Variants in ANKRD36 observed in about 807,000 individuals in gnomAD.
ANKRD36 encodes ankyrin repeat domain 36.
Under a neutral mutation model 278.1 loss-of-function variants are expected in ANKRD36, and 179 were observed. The ratio of observed to expected loss-of-function variants is 0.64; its 90% CI spans 0.57 to 0.73. The LOEUF (loss-of-function observed/expected upper bound fraction) is 0.73. ANKRD36 is among the 30% of genes least tolerant of loss of function. ANKRD36 has a pLI of 0.00. For missense variants in ANKRD36, 1,159 were observed against 1,956.7 expected (o/e 0.59, Z 7.69); for synonymous variants, 320 against 641.1 (o/e 0.50, Z 7.57).
chr2:97,261,137 T>A (rs2076711378), intron 75 of ANKRD36, among the ~76,000 whole-genome samples: 1 of 112,484 alleles, frequency 8.9e-6, no homozygotes, highest in Non-Finnish European at 1.6e-5. Context: ...CTTTAAGAAC[T>A]TTTTTTTTTT....
rs552637338 is a variant in ANKRD36, at chr2:97,182,951, C to T, written c.1838-508C>T. On this transcript the variant is annotated intron_variant, in intron 26 of 75. Coordinates refer to ENST00000420699, the MANE Select transcript of ANKRD36 (RefSeq NM_001354587.1). ...GCTGTTGAGGCTGGGCCACTTCCAC[C>T]GAGGACTCGTGAAGTGTACATTCTA... is the stretch of plus-strand genomic sequence containing the variant. 2.0e-5 allele frequency among the ~76,000 whole-genome samples: 3 copies of T among 151,658 alleles called. No individual in the cohort carries two copies. In the East Asian group the frequency reaches 5.9e-4, roughly 30 times the overall value.
At chr2:97,190,285 T>C (rs1242807934) in intron 34 of ANKRD36, among the ~76,000 whole-genome samples, 2 of 92,392 alleles carry the variant, frequency 2.2e-5, no homozygotes, top group Admixed American at 9.5e-5. Flanking sequence ...ATTGATGATA[T>C]TTTTATTGAG....
intron 67 of ANKRD36, 66 bp from the exon 68 acceptor site, chr2:97,233,664 C>T: frequency 6.4e-7 from 1 of 1,550,624 alleles, no homozygotes; most frequent in South Asian, 1.2e-5. Context: ...ATTCCCACTT[C>T]TGTACATTTT....
chr2:97,201,247 T>C (rs1190610042), intron 46 of ANKRD36, among the ~76,000 whole-genome samples: 5 of 151,938 alleles, frequency 3.3e-5, no homozygotes, highest in African/African-American at 1.2e-4. Flanking sequence ...GAGATAAACT[T>C]GAATATGAAT....
intron 58 of ANKRD36, chr2:97,212,634 T>A (rs2064967973): frequency 6.5e-6 from 1 of 153,736 alleles, no homozygotes; most frequent in Non-Finnish European, 1.4e-5. Context: ...TTTCAATGAA[T>A]ATTTGATTGA....
rs780945336 is a variant in ANKRD36 at position 97,194,827 on chromosome 2, G to A, written c.2479-18G>A. 1.9e-6 allele frequency: 3 copies of A among 1,598,396 alleles called. No homozygotes were observed. The highest frequency in any genetic ancestry group is 1.3e-5 in the African/African-American group (1 of 74,578). On this transcript the variant is annotated intron_variant, in intron 39 of 75. Transcript: ENST00000420699. Reference sequence around the variant, plus strand: ...TGAAACATACCTTATTTATTATTTTGTTTCAAATTCCACTCAGGCTACAAG... The same window carrying A: ...TGAAACATACCTTATTTATTATTTTATTTCAAATTCCACTCAGGCTACAAG...
At chr2:97,144,285 T>A (rs1480499935) in intron 8 of ANKRD36, among the ~76,000 whole-genome samples, 1 of 145,876 alleles carries the variant, frequency 6.9e-6, no homozygotes. Flanking sequence ...GTAATAGACA[T>A]GTGAAGAATA....
rs1194312421 is a variant in ANKRD36 at position 97,189,069 on chromosome 2, A to G, written c.2144-18A>G. 2.7e-6 allele frequency: 2 copies of G among 749,910 alleles called. 1 individual carries two copies. The highest frequency in any genetic ancestry group is 4.5e-6 in the Non-Finnish European group (2 of 439,858). 46.5% of individuals were successfully genotyped at this position (749,910 alleles called of 1,614,324 possible). A position where few individuals can be genotyped will look rare whatever the true frequency, so the allele number is the denominator to read the frequency against. ...CATATTTACATATGAGTGATTATGT[A>G]TCCCTTTTGCTTTTCAGTGTCTTCT... On this transcript the variant is annotated intron_variant, in intron 32 of 75. Transcript: ENST00000420699.
intron 67 of ANKRD36, among the ~76,000 whole-genome samples, chr2:97,232,025 T>C (rs1237786862): frequency 6.6e-6 from 1 of 151,868 alleles, no homozygotes; most frequent in African/African-American, 2.4e-5. Flanking sequence ...CAGTGACAAA[T>C]TAAAGTTTCA....
At chr2:97,225,862 G>A (rs1459774441) in intron 67 of ANKRD36, among the ~76,000 whole-genome samples, 11 of 150,614 alleles carry the variant, frequency 7.3e-5, no homozygotes, top group Admixed American at 1.3e-4. Context: ...ACCTATGAGT[G>A]AGAACATGCA....
chr2:97,169,360 A>T (rs1163441754), intron 22 of ANKRD36, among the ~76,000 whole-genome samples: 1,514 of 127,236 alleles, frequency 0.012, no homozygotes, highest in Admixed American at 0.022. Context: ...CTTTTGTCAG[A>T]TGGAGAGATT....
intron 12 of ANKRD36, 144 bp downstream of exon 12, chr2:97,149,505 A>C: frequency 1.5e-6 from 1 of 663,090 alleles, no homozygotes; most frequent in Admixed American, 3.8e-5. Context: ...TTTTAAAGAA[A>C]TGGGAGGGGT....
intron 40 of ANKRD36, 82 bp from the exon 41 acceptor site, chr2:97,196,511 G>T (rs1384822594): frequency 6.9e-6 from 11 of 1,587,010 alleles, no homozygotes; most frequent in South Asian, 1.1e-5. Flanking sequence ...GAGGACAGAG[G>T]TTGATGCTAA....
intron 24 of ANKRD36, among the ~76,000 whole-genome samples, chr2:97,181,311 C>T (rs1215869907): frequency 6.6e-6 from 1 of 151,534 alleles, no homozygotes; most frequent in Non-Finnish European, 1.5e-5. Context: ...GATTTGTCCT[C>T]ATCACTCGGC....
chr2:97,191,198 C>G lies in ANKRD36; in HGVS notation c.2347+17C>G. The G allele has an allele frequency of 3.8e-6, 6 of 1,570,746 alleles. No homozygotes were observed. Among genetic ancestry groups the G allele is most frequent in the Non-Finnish European group, 5.2e-6 (6 of 1,156,244 alleles). ...CTGGGACAGGTAATTTTGCAAAAGA[C>G]ATTTAATGTCATATTCAGTCCAGAT... On this transcript the variant is annotated intron_variant, in intron 36 of 75. Coordinates refer to ENST00000420699, the MANE Select transcript of ANKRD36 (RefSeq NM_001354587.1).
At chr2:97,231,350 C>T (rs555782683) in intron 67 of ANKRD36, among the ~76,000 whole-genome samples, 51 of 152,262 alleles carry the variant, frequency 3.3e-4, no homozygotes, top group Admixed American at 1.6e-3. Flanking sequence ...AGGTGCCCCT[C>T]CCCCAGCCTC....
rs564755996 is a variant in ANKRD36 at position 97,181,839 on chromosome 2, A to G, written c.1837+46A>G. The G allele has an allele frequency of 1.9e-5, 25 of 1,332,174 alleles. No homozygotes were observed. The South Asian group carries it at 2.7e-4, about 14-fold the overall frequency. 82.5% of individuals were successfully genotyped at this position (1,332,174 alleles called of 1,614,324 possible). ...TAATGTCATGTTCAGTCAAGATAGA[A>G]AAGTACTTCTCTTCCCCGAATAAAT... On this transcript the variant is annotated intron_variant, in intron 26 of 75. Coordinates refer to ENST00000420699, the MANE Select transcript of ANKRD36 (RefSeq NM_001354587.1).
chr2:97,208,898 G>C (rs1374252462), intron 54 of ANKRD36, among the ~76,000 whole-genome samples: 1 of 146,684 alleles, frequency 6.8e-6, no homozygotes, highest in African/African-American at 2.7e-5. Context: ...AATGAATATT[G>C]CAGTGATTTC....
In ANKRD36 at chr2:97,149,376, T is replaced by C. The variant is rs190359852; in HGVS notation, c.1101+15T>C. The C allele has an allele frequency of 6.6e-6, 10 of 1,510,456 alleles. No homozygotes were observed. In the Admixed American group the frequency reaches 2.2e-4, roughly 33 times the overall value. 93.6% of individuals were successfully genotyped at this position (1,510,456 alleles called of 1,614,324 possible). On this transcript the variant is annotated intron_variant, in intron 12 of 75. Transcript: ENST00000420699. ...TGGAATCTGAGGTAGAGTACTCTCTTGTGAAATTAATTTTCTCCCTCTGAA... is the reference window on the plus strand; with the variant it reads ...TGGAATCTGAGGTAGAGTACTCTCTCGTGAAATTAATTTTCTCCCTCTGAA...
Sources: allele counts gnomAD v4.1 joint callset (sites outside exome capture counted in the v4.1 genomes callset), GRCh38; gene constraint gnomAD v4.1.1; transcripts MANE v1.5; gene names NCBI Gene and HGNC (gene_info 2026-07-23, HGNC 2026-07-21).